The following RBFOX1 variants were observed in gnomAD, a reference collection of about 807,000 sequenced individuals.
RBFOX1 encodes the protein RNA binding fox-1 homolog 1.
In RBFOX1, 8 loss-of-function variants were observed where a neutral mutation model predicts 57.7. The ratio of observed to expected loss-of-function variants is 0.14; its 90% CI spans 0.08 to 0.25. RBFOX1 has a LOEUF of 0.25. Among genes scored for constraint, RBFOX1 ranks in the 10% least tolerant of loss-of-function variants. The pLI is 1.00. For synonymous variants in RBFOX1, 326 were observed against 222.4 expected (o/e 1.47, Z -4.15); for missense variants, 611 against 548.5 (o/e 1.11, Z -1.14).
intron 3 of RBFOX1, among the ~76,000 whole-genome samples, chr16:6,846,730 C>G (rs1019349180): frequency 6.6e-6 from 1 of 152,156 alleles, no homozygotes; most frequent in African/African-American, 2.4e-5. Context: ...GAGCTCTCAA[C>G]ATGATCTGCT....
chr16:6,807,420 T>G (rs2063940715), intron 3 of RBFOX1, among the ~76,000 whole-genome samples: 2 of 152,136 alleles, frequency 1.3e-5, no homozygotes, highest in Admixed American at 1.3e-4. Flanking sequence ...GGTGGTGCCA[T>G]TCACCTGGAT....
chr16:7,346,848 T>C (rs1014318193), intron 4 of RBFOX1, among the ~76,000 whole-genome samples: 1 of 152,150 alleles, frequency 6.6e-6, no homozygotes, highest in South Asian at 2.1e-4. Context: ...GAATGTGTGT[T>C]TTTGTTAAGA....
chr16:6,848,358 AT>A (rs1355763894), intron 3 of RBFOX1, among the ~76,000 whole-genome samples: 1 of 152,102 alleles, frequency 6.6e-6, no homozygotes, highest in Non-Finnish European at 1.5e-5. Flanking sequence ...TATGAGTGAA[AT>A]TTATAGTTTT....
intron 4 of RBFOX1, among the ~76,000 whole-genome samples, chr16:7,154,750 A>T (rs1029284913): frequency 2.0e-5 from 3 of 149,970 alleles, no homozygotes; most frequent in Non-Finnish European, 3.0e-5. Flanking sequence ...TGCATGTACC[A>T]CATGTTGTAT....
intron 10 of RBFOX1, among the ~76,000 whole-genome samples, 196 bp from the exon 11 acceptor site, chr16:7,630,407 C>T (rs541345797): frequency 1.3e-4 from 19 of 142,292 alleles, no homozygotes; most frequent in Admixed American, 5.5e-4. Flanking sequence ...CTTGGTGGGC[C>T]GGGTTGTGGT....
intron 3 of RBFOX1, among the ~76,000 whole-genome samples, chr16:6,895,542 A>C (rs771494167): frequency 4.1e-5 from 6 of 148,120 alleles, no homozygotes; most frequent in Non-Finnish European, 7.4e-5. Flanking sequence ...TCTACAAGGC[A>C]GCTGCACATG....
chr16:7,392,990 C>T (rs952966997), intron 4 of RBFOX1, among the ~76,000 whole-genome samples: 8 of 152,134 alleles, frequency 5.3e-5, no homozygotes, highest in African/African-American at 1.9e-4. Flanking sequence ...TTTCCTGCTT[C>T]AGCCTCCCGT....
intron 2 of RBFOX1, among the ~76,000 whole-genome samples, chr16:6,649,806 T>C (rs1352384221): frequency 3.3e-5 from 5 of 152,240 alleles, no homozygotes; most frequent in Admixed American, 6.5e-5. Flanking sequence ...AGTATATGCA[T>C]GTATATTGGG....
intron 4 of RBFOX1, among the ~76,000 whole-genome samples, chr16:7,165,046 T>C (rs544504501): frequency 6.6e-6 from 1 of 152,330 alleles, no homozygotes; most frequent in Admixed American, 6.5e-5. Flanking sequence ...TTCTGGGTCA[T>C]AAAGGAGAGC....
intron 3 of RBFOX1, among the ~76,000 whole-genome samples, chr16:6,848,073 C>T (rs3892350): frequency 0.25 from 37,799 of 151,884 alleles, 4,964 homozygotes; most frequent in East Asian, 0.35. Flanking sequence ...CTCAAGTGAT[C>T]CACCCACCTT....
chr16:7,690,584 A>G (rs918620502), intron 14 of RBFOX1, among the ~76,000 whole-genome samples: 6 of 152,134 alleles, frequency 3.9e-5, no homozygotes, highest in African/African-American at 1.2e-4. Flanking sequence ...TAGGGTTTGC[A>G]TAAGGAGACA....
At chr16:7,310,133 G>A (rs2096275669) in intron 4 of RBFOX1, among the ~76,000 whole-genome samples, 1 of 152,178 alleles carries the variant, frequency 6.6e-6, no homozygotes. Flanking sequence ...CCTGGCCCTG[G>A]CCCTTTAACC....
At chr16:6,133,060 C>CTTTTTTTTTTTTTT in intron 1 of RBFOX1, among the ~76,000 whole-genome samples, 1 of 149,038 alleles carries the variant, frequency 6.7e-6, no homozygotes, top group Non-Finnish European at 1.5e-5. Context: ...TTCTGAGAGA[C>CTTTTTTTTTTTTTT]TGCCTCAAAG....
At chr16:7,702,398 T>G (rs991946529) in intron 14 of RBFOX1, among the ~76,000 whole-genome samples, 2 of 152,208 alleles carry the variant, frequency 1.3e-5, no homozygotes, top group Non-Finnish European at 2.9e-5. Flanking sequence ...GTTGCAGAAT[T>G]GCCAAGAGAT....
intron 2 of RBFOX1, among the ~76,000 whole-genome samples, chr16:6,556,960 T>C (rs1374700957): frequency 6.7e-6 from 1 of 148,994 alleles, no homozygotes; most frequent in African/African-American, 2.5e-5. Flanking sequence ...ATATTCATTA[T>C]ATATATAAAT....
chr16:5,451,426 C>T (rs2151566310), intron 1 of RBFOX1, among the ~76,000 whole-genome samples: 1 of 152,234 alleles, frequency 6.6e-6, no homozygotes, highest in Admixed American at 6.5e-5. Context: ...TTTAAAAAAG[C>T]AATTAGTCTG....
intron 2 of RBFOX1, among the ~76,000 whole-genome samples, chr16:6,451,808 C>T (rs758313481): frequency 3.9e-5 from 6 of 152,156 alleles, no homozygotes; most frequent in East Asian, 3.9e-4. Flanking sequence ...ATCCATGACT[C>T]CTTCCTCCCA....
At chr16:7,505,187 G>T (rs1057138930) in intron 4 of RBFOX1, among the ~76,000 whole-genome samples, 5 of 149,644 alleles carry the variant, frequency 3.3e-5, no homozygotes, top group Non-Finnish European at 7.4e-5. Context: ...GTGTGTGCTC[G>T]CATGTGTGTG....
chr16:5,769,401 G>T (rs1374831616), intron 3 of RBFOX1, among the ~76,000 whole-genome samples: 5 of 151,614 alleles, frequency 3.3e-5, no homozygotes, highest in Non-Finnish European at 7.4e-5. Context: ...AGCACTTCTG[G>T]AGGCTGAAGC....
Sources: allele counts gnomAD v4.1 joint callset (sites outside exome capture counted in the v4.1 genomes callset), GRCh38; gene constraint gnomAD v4.1.1; transcripts MANE v1.5; gene names NCBI Gene and HGNC (gene_info 2026-07-23, HGNC 2026-07-21).